The following EPB41L2 variants were observed in gnomAD, a reference collection of about 807,000 sequenced individuals.
The protein encoded by EPB41L2 is erythrocyte membrane protein band 4.1 like 2.
A neutral mutation model predicts 113.0 loss-of-function variants in EPB41L2; 43 were observed. The observed-to-expected ratio is 0.38, with a 90% CI of 0.30 to 0.49. The LOEUF (loss-of-function observed/expected upper bound fraction) is 0.49, where lower values mean the gene tolerates loss of function less well. EPB41L2 is among the 20% of genes least tolerant of loss of function. EPB41L2 has a pLI of 0.95. For synonymous variants in EPB41L2, 442 were observed against 436.7 expected (o/e 1.01, Z -0.15); for missense variants, 1,147 against 1,223.4 (o/e 0.94, Z 0.93).
chr6:130,904,506 A>C lies in EPB41L2; in HGVS notation c.888T>G (p.Phe296Leu), dbSNP rs756043207. The change falls in exon 6 of 20, where the codon TTT becomes TTG. Residue 296 changes from phenylalanine to leucine, a missense_variant. By Grantham distance (22) the Phe-to-Leu change is conservative. Transcript: ENST00000337057. The part of the protein sequence containing the change: ...LPWLFTFNVK[F>L]YPPDPSQLTE... ...TCAATTGAGAAGGATCAGGAGGATAAAACTTCACATTAAAAGTGAATAGCC... is the reference window on the plus strand; with the variant it reads ...TCAATTGAGAAGGATCAGGAGGATACAACTTCACATTAAAAGTGAATAGCC... 1.2e-6 allele frequency: 2 copies of C among 1,607,714 alleles called. No homozygotes were observed. Among genetic ancestry groups the C allele is most frequent in the Non-Finnish European group, 1.7e-6 (2 of 1,175,648 alleles).
At chr6:130,911,273 G>A (rs913940560) in intron 4 of EPB41L2, among the ~76,000 whole-genome samples, 31 of 152,200 alleles carry the variant, frequency 2.0e-4, no homozygotes, top group African/African-American at 6.0e-4. Flanking sequence ...ACTAACACAG[G>A]AACAGAAAAC....
At chr6:131,005,988 T>A (rs1013515560) in intron 1 of EPB41L2, among the ~76,000 whole-genome samples, 2 of 152,086 alleles carry the variant, frequency 1.3e-5, no homozygotes, top group Admixed American at 6.6e-5. Flanking sequence ...GGTGCATCTC[T>A]TTCCTCTCCT....
chr6:130,912,308 G>T (rs1799657492), intron 4 of EPB41L2, among the ~76,000 whole-genome samples: 1 of 152,182 alleles, frequency 6.6e-6, no homozygotes, highest in African/African-American at 2.4e-5. Context: ...ATGCTTATTA[G>T]TACACAGAAA....
At chr6:130,921,622 T>A (rs1057479478) in intron 4 of EPB41L2, among the ~76,000 whole-genome samples, 1 of 152,210 alleles carries the variant, frequency 6.6e-6, no homozygotes, top group South Asian at 2.1e-4. Context: ...ACATCCAGAA[T>A]ACTGGCCGTA....
At chr6:130,958,468 C>CAAAAAAAAAAAAAAAAAAAAAAAAAAA (rs200548809) in intron 1 of EPB41L2, among the ~76,000 whole-genome samples, 1 of 113,878 alleles carries the variant, frequency 8.8e-6, no homozygotes. Context: ...ACAACAACAA[C>CAAAAAAAAAAAAAAAAAAAAAAAAAAA]AAAAAAAAAA....
Position 130,874,838 on chromosome 6 carries a change from T to C in EPB41L2, c.2043+3266A>G, listed in dbSNP as rs529204084. On this transcript the variant is annotated intron_variant, in intron 14 of 19. Transcript: ENST00000337057. ...AGATCCAGAAAAATGATAATAATTT[T>C]AAACATCTCCACTAAAATGTCAAAG... Among the ~76,000 whole-genome samples, 6 of 152,324 alleles carry C rather than the reference T, an allele frequency of 3.9e-5. No homozygotes were observed. The South Asian group carries it at 1.2e-3, about 32-fold the overall frequency.
intron 3 of EPB41L2, among the ~76,000 whole-genome samples, chr6:130,930,599 C>A (rs1364848382): frequency 6.6e-6 from 1 of 152,056 alleles, no homozygotes; most frequent in East Asian, 1.9e-4. Flanking sequence ...CTGTTTGATT[C>A]AAAAATGCCA....
At chr6:130,958,234 T>C (rs1388320792) in intron 1 of EPB41L2, among the ~76,000 whole-genome samples, 3 of 152,098 alleles carry the variant, frequency 2.0e-5, no homozygotes, top group Non-Finnish European at 4.4e-5. Flanking sequence ...GGTGGACCAC[T>C]TGAGGTCAGG....
chr6:131,022,013 T>C (rs1789630475), intron 1 of EPB41L2, among the ~76,000 whole-genome samples: 2 of 152,164 alleles, frequency 1.3e-5, no homozygotes, highest in Admixed American at 1.3e-4. Flanking sequence ...TCTATTATTA[T>C]TACATTGTAA....
At chr6:130,979,208 G>GTGT (rs1778822098) in intron 1 of EPB41L2, among the ~76,000 whole-genome samples, 1 of 152,070 alleles carries the variant, frequency 6.6e-6, no homozygotes, top group Non-Finnish European at 1.5e-5. Context: ...CTGACTGGCC[G>GTGT]GGTGTGGTGT....
At chr6:130,850,548 G>A (rs1202448531) in intron 19 of EPB41L2, among the ~76,000 whole-genome samples, 4 of 152,052 alleles carry the variant, frequency 2.6e-5, no homozygotes, top group Non-Finnish European at 5.9e-5. Flanking sequence ...ATGGAAAGGG[G>A]GGGTGTGTGT....
rs1240244988 is a variant in EPB41L2, at chr6:130,880,176, T to C, written c.1864A>G (p.Ile622Val). ...KNSLRVEGDN[I>V]YVRHSNLMLE... The stretch of plus-strand genomic sequence containing the variant: ...ATTAAATTGCTATGTCTGACATAAA[T>C]ATTATCCCCTTCTACTCTCAAGGAA... Residue 622 changes from isoleucine (I) to valine (V), a missense_variant, in exon 13 of 20, where the codon ATT becomes GTT. Physicochemically the swap from Ile to Val is conservative, Grantham distance 29. Transcript: ENST00000337057. 4 of 1,610,166 alleles carry C rather than the reference T, an allele frequency of 2.5e-6. No homozygotes were observed. In the South Asian group the frequency reaches 4.4e-5, roughly 18 times the overall value.
intron 3 of EPB41L2, among the ~76,000 whole-genome samples, chr6:130,936,832 T>A (rs1026496600): frequency 7.2e-5 from 11 of 152,194 alleles, no homozygotes; most frequent in Admixed American, 7.2e-4. Context: ...AACCCAAACA[T>A]GCACTTAGTA....
chr6:131,044,019 CTTT>C lies in EPB41L2; in HGVS notation c.-15+19133_-15+19135del, dbSNP rs35350923. ...TATATTTAAAACTTTCTAAATAATG[CTTT>C]TTTTTTTTTTTTTTTTTGAGACAGG... On this transcript the variant is annotated intron_variant, in intron 1 of 19. Coordinates refer to ENST00000337057, the MANE Select transcript of EPB41L2 (RefSeq NM_001431.4). Among the ~76,000 whole-genome samples the C allele has an allele frequency of 3.8e-4, 39 of 103,010 alleles. 1 individual carries two copies. The highest frequency in any genetic ancestry group is 7.9e-4 in the African/African-American group (19 of 24,148). 67.6% of individuals were successfully genotyped at this position (103,010 alleles called of 152,430 possible).
intron 14 of EPB41L2, among the ~76,000 whole-genome samples, chr6:130,875,059 T>A (rs1376329813): frequency 6.6e-6 from 1 of 152,226 alleles, no homozygotes; most frequent in African/African-American, 2.4e-5. Flanking sequence ...GTCACTTGGT[T>A]TAGCTTCATG....
At position 130,965,603 on chromosome 6, in the gene EPB41L2, G is replaced by A. The variant is rs117594835; in HGVS notation, c.-14-9104C>T. Among the ~76,000 whole-genome samples, 89 of 149,424 alleles carry A rather than the reference G, an allele frequency of 6.0e-4. 1 individual carries two copies. The East Asian group carries it at 0.012, about 20-fold the overall frequency. On this transcript the variant is annotated intron_variant, in intron 1 of 19. Coordinates refer to ENST00000337057, the MANE Select transcript of EPB41L2 (RefSeq NM_001431.4). ...TTTGGCTAGGCCAATTTAAATCATC[G>A]GTCCAATGGTGGGGAAAGTGGCCAA...
At chr6:130,954,040 CTTTTTTTTTT>C (rs780758511) in intron 3 of EPB41L2, among the ~76,000 whole-genome samples, 62 of 58,864 alleles carry the variant, frequency 1.1e-3, no homozygotes, top group Middle Eastern at 0.015. Context: ...CCTTTTCTTT[CTTTTTTTTTT>C]TTTTTTTTTT....
intron 3 of EPB41L2, among the ~76,000 whole-genome samples, chr6:130,944,939 G>T (rs1467519163): frequency 6.6e-6 from 1 of 152,160 alleles, no homozygotes; most frequent in African/African-American, 2.4e-5. Flanking sequence ...TGGCACGGCA[G>T]TCTTTTCCCA....
At position 130,961,244 on chromosome 6, in the gene EPB41L2, C is replaced by T. The variant is rs574624847; in HGVS notation, c.-14-4745G>A. On this transcript the variant is annotated intron_variant, in intron 1 of 19. Transcript: ENST00000337057. ...CTAAAAAGAACACTGCTGTGAACAG[C>T]CCGCCCATTAGACAAGCATGTGGTT... is the stretch of plus-strand genomic sequence containing the variant. 3.3e-5 allele frequency among the ~76,000 whole-genome samples: 5 copies of T among 152,296 alleles called. No homozygotes were observed. In the South Asian group the frequency reaches 1.0e-3, roughly 32 times the overall value.
Sources: gnomAD v4.1 joint callset for allele counts (sites outside exome capture counted in the v4.1 genomes callset) on GRCh38, gnomAD v4.1.1 for gene constraint, MANE v1.5 for transcripts, NCBI Gene and HGNC (gene_info 2026-07-23, HGNC 2026-07-21) for gene names.